EHMT1: variants seen among roughly 807,000 people sequenced by gnomAD.
EHMT1 encodes euchromatic histone lysine methyltransferase 1.
A neutral mutation model predicts 147.2 loss-of-function variants in EHMT1; 15 were observed. The ratio of observed to expected loss-of-function variants is 0.10; its 90% CI spans 0.07 to 0.16. The LOEUF is 0.16. Among genes scored for constraint, EHMT1 ranks in the 10% least tolerant of loss-of-function variants. The pLI is 1.00. For missense variants in EHMT1, 1,587 were observed against 1,772.4 expected (o/e 0.90, Z 1.88); for synonymous variants, 795 against 709.6 (o/e 1.12, Z -1.91).
rs1305327251 is a variant in EHMT1, at chr9:137,787,429, C to G, written c.2383-3419C>G. On this transcript the variant is annotated intron_variant, in intron 15 of 26. Transcript: ENST00000460843. This position sits in a 1 kb window ranked among gnomAD's most constrained non-coding sequence, Gnocchi z 4.2. ...GGCTATTCCAGGCTCAGCCCTGCCT[C>G]CCACAGCCTTGCCTCTGGGTGTAGG... Among the ~76,000 whole-genome samples, 2 of 152,196 alleles carry G rather than the reference C, an allele frequency of 1.3e-5. No homozygotes were observed. The highest frequency in any genetic ancestry group is 3.9e-4 in the East Asian group (2 of 5,186).
rs945250508 is a variant in EHMT1, at chr9:137,768,928, C to G, written c.1647+6108C>G. Among the ~76,000 whole-genome samples the G allele has an allele frequency of 1.3e-4, 20 of 152,166 alleles. No homozygotes were observed. In the Middle Eastern group the frequency reaches 0.01, roughly 78 times the overall value. On this transcript the variant is annotated intron_variant, in intron 10 of 26. Transcript: ENST00000460843. ...TCTCGAACTCCTGAGCTCAGGTGAT[C>G]TGCCCGCCTCAGCCTCTCAAAGTGC...
chr9:137,834,180 C>T (rs116991405), intron 25 of EHMT1, 169 bp from the exon 26 acceptor site: 22,569 of 839,098 alleles, frequency 0.027, 355 homozygotes, highest in Middle Eastern at 0.043. Context: ...GAGGAGAAGG[C>T]TGGCGGAGGC....
chr9:137,672,354 A>G (rs1940769127), intron 1 of EHMT1, among the ~76,000 whole-genome samples: 1 of 152,024 alleles, frequency 6.6e-6, no homozygotes, highest in South Asian at 2.1e-4. Context: ...TTATGTTAAC[A>G]TGTAGTAGGT....
intron 1 of EHMT1, among the ~76,000 whole-genome samples, chr9:137,673,173 G>T (rs1940873984): frequency 6.6e-6 from 1 of 152,140 alleles, no homozygotes; most frequent in South Asian, 2.1e-4. Flanking sequence ...TGACATCCTA[G>T]AGTGTGTAGG....
At chr9:137,816,114 A>T (rs1041072902) in intron 23 of EHMT1, 52 bp downstream of exon 23, 1 of 1,512,142 alleles carries the variant, frequency 6.6e-7, no homozygotes, top group East Asian at 2.4e-5. Context: ...ATTAGCACGT[A>T]TTAGCACGGA....
At position 137,787,418 on chromosome 9, in the gene EHMT1, C is replaced by T. The variant is rs1174309780; in HGVS notation, c.2383-3430C>T. 1.3e-5 allele frequency among the ~76,000 whole-genome samples: 2 copies of T among 152,190 alleles called. No homozygotes were observed. Among genetic ancestry groups the T allele is most frequent in the Non-Finnish European group, 2.9e-5 (2 of 68,034 alleles). The stretch of plus-strand genomic sequence containing the variant: ...GGACTAGGAAGGGCTATTCCAGGCT[C>T]AGCCCTGCCTCCCACAGCCTTGCCT... On this transcript the variant is annotated intron_variant, in intron 15 of 26. Coordinates refer to ENST00000460843, the MANE Select transcript of EHMT1 (RefSeq NM_024757.5). This position sits in a 1 kb window ranked among gnomAD's most constrained non-coding sequence, Gnocchi z 4.2.
intron 4 of EHMT1, among the ~76,000 whole-genome samples, chr9:137,736,492 C>G (rs1234724216): frequency 6.6e-6 from 1 of 152,254 alleles, no homozygotes; most frequent in African/African-American, 2.4e-5. Flanking sequence ...ATACAGAGCA[C>G]TCTGCCCAAC....
chr9:137,707,605 T>G (rs1469001081), intron 1 of EHMT1, among the ~76,000 whole-genome samples: 1 of 152,254 alleles, frequency 6.6e-6, no homozygotes, highest in Non-Finnish European at 1.5e-5. Context: ...CTGAGTGCAG[T>G]TGAATTGGAC....
intron 4 of EHMT1, chr9:137,743,138 T>A (rs937121093): frequency 9.7e-6 from 5 of 516,642 alleles, no homozygotes; most frequent in Non-Finnish European, 1.7e-5. Flanking sequence ...TTGTTGTGAA[T>A]GGAACAGATG....
At chr9:137,694,294 T>G (rs1943208107) in intron 1 of EHMT1, among the ~76,000 whole-genome samples, 3 of 104,752 alleles carry the variant, frequency 2.9e-5, no homozygotes, top group South Asian at 3.5e-4. Context: ...CCCCACACAG[T>G]GGCGCAGGAC....
intron 1 of EHMT1, chr9:137,637,716 C>G (rs2133758394): frequency 6.6e-6 from 1 of 152,352 alleles, no homozygotes; most frequent in East Asian, 1.9e-4. Context: ...GTGTATTTCC[C>G]TCTTCCGTTT....
At chr9:137,622,369 C>T (rs1444516247) in intron 1 of EHMT1, among the ~76,000 whole-genome samples, 1 of 152,084 alleles carries the variant, frequency 6.6e-6, no homozygotes, top group Non-Finnish European at 1.5e-5. Context: ...ATCTATCTGC[C>T]TTGGCCTCCT....
intron 1 of EHMT1, among the ~76,000 whole-genome samples, chr9:137,694,763 G>A (rs747576714): frequency 6.6e-6 from 1 of 152,216 alleles, no homozygotes; most frequent in Non-Finnish European, 1.5e-5. Flanking sequence ...AGGTGATCAG[G>A]CGCGAGGCCT....
intron 1 of EHMT1, among the ~76,000 whole-genome samples, chr9:137,704,886 C>CTCCTT (rs995097300): frequency 3.4e-5 from 5 of 147,570 alleles, no homozygotes; most frequent in African/African-American, 7.6e-5. Context: ...CCCTCCCTCC[C>CTCCTT]TCCTTTCCTT....
At chr9:137,652,225 G>C (rs1937917167) in intron 1 of EHMT1, among the ~76,000 whole-genome samples, 1 of 152,082 alleles carries the variant, frequency 6.6e-6, no homozygotes, top group African/African-American at 2.4e-5. Context: ...CTGACTCTGT[G>C]TGGGCCTTGG....
intron 2 of EHMT1, among the ~76,000 whole-genome samples, chr9:137,712,048 A>G (rs894746844): frequency 6.6e-6 from 1 of 152,044 alleles, no homozygotes; most frequent in Admixed American, 6.5e-5. Flanking sequence ...CGCTACCCCT[A>G]GCCGGCCCTC....
In EHMT1 at chr9:137,831,671, C is replaced by T. The variant is rs150181350; in HGVS notation, c.3541-2678C>T. The stretch of plus-strand genomic sequence containing the variant: ...AGCCTTAGGAGCTGCCTTGAAAATA[C>T]GTGTCTGTTGGCCCAGTGTCTGGTT... On this transcript the variant is annotated intron_variant, in intron 25 of 26. Coordinates refer to ENST00000460843, the MANE Select transcript of EHMT1 (RefSeq NM_024757.5). 3.3e-5 allele frequency among the ~76,000 whole-genome samples: 5 copies of T among 152,358 alleles called. No homozygotes were observed. In the East Asian group the frequency reaches 7.7e-4, roughly 23 times the overall value.
At position 137,768,347 on chromosome 9, in the gene EHMT1, GTTTTTTTTTT is replaced by G. The variant is rs768762232; in HGVS notation, c.1647+5539_1647+5548del. Among the ~76,000 whole-genome samples the G allele has an allele frequency of 1.9e-4, 18 of 92,520 alleles. No homozygotes were observed. In the East Asian group the frequency reaches 5.2e-3, roughly 26 times the overall value. The allele number at this position is 92,520 out of a possible 152,430, so 60.7% of individuals were successfully genotyped here. On this transcript the variant is annotated intron_variant, in intron 10 of 26. Coordinates refer to ENST00000460843, the MANE Select transcript of EHMT1 (RefSeq NM_024757.5). ...TTCCTGTTTTCTTCATTTTCTGTGT[GTTTTTTTTTT>G]TTTTTTTTTTTCTGAGACAGAGTTT...
chr9:137,788,007 G>T, intron 15 of EHMT1: 1 of 1,451,194 alleles, frequency 6.9e-7, no homozygotes, highest in Non-Finnish European at 9.6e-7. Context: ...TAAGTGGAGA[G>T]GCCAGGCCCT....
Sources: allele counts gnomAD v4.1 joint callset (sites outside exome capture counted in the v4.1 genomes callset), GRCh38; gene constraint gnomAD v4.1.1; non-coding constraint Gnocchi (gnomAD v3.1); transcripts MANE v1.5; gene names NCBI Gene and HGNC (gene_info 2026-07-23, HGNC 2026-07-21).